The following SMARCAD1 variants were observed in gnomAD, a reference collection of about 807,000 sequenced individuals.
SMARCAD1 encodes SWI/SNF-related matrix-associated actin-dependent regulator of chromatin subfamily A containing DEAD/H box 1.
A neutral mutation model predicts 127.1 loss-of-function variants in SMARCAD1; 25 were observed. That is an observed-to-expected ratio of 0.20 (90% CI 0.14 to 0.27). The LOEUF is 0.27. Among genes scored for constraint, SMARCAD1 ranks in the 10% least tolerant of loss-of-function variants. The pLI is 1.00. For missense variants in SMARCAD1, 807 were observed against 1,206.0 expected, an observed-to-expected ratio of 0.67 and a Z score of 4.90; for synonymous variants, 400 against 396.9, an observed-to-expected ratio of 1.01 and a Z score of -0.09.
chr4:94,214,857 AGGT>A (rs954059921), intron 2 of SMARCAD1, among the ~76,000 whole-genome samples: 7 of 152,038 alleles, frequency 4.6e-5, no homozygotes, highest in African/African-American at 1.7e-4. Context: ...TGCCTTTTCA[AGGT>A]GGTTGTCATA....
chr4:94,213,254 G>T lies in SMARCAD1; in HGVS notation c.190+4670G>T, dbSNP rs1483300982. On this transcript the variant is annotated intron_variant, in intron 2 of 23. Transcript: ENST00000354268. ...CACTATCTGTAATTCACAAATGATTGAATTATCCATTCTTCAGGGGAGGAT... is the reference window on the plus strand; with the variant it reads ...CACTATCTGTAATTCACAAATGATTTAATTATCCATTCTTCAGGGGAGGAT... The T allele has an allele frequency of 3.8e-5, 17 of 445,746 alleles. No individual in the cohort carries two copies. In the East Asian group the frequency reaches 1.2e-3, roughly 32 times the overall value. The allele number at this position is 445,746 out of a possible 1,614,324, so 27.6% of individuals were successfully genotyped here.
intron 6 of SMARCAD1, among the ~76,000 whole-genome samples, chr4:94,248,006 C>T (rs770815363): frequency 1.3e-4 from 20 of 152,224 alleles, no homozygotes; most frequent in Middle Eastern, 3.4e-3. Flanking sequence ...ATCCTCCCTC[C>T]GCCTTCTTGT....
At chr4:94,275,758 G>C (rs1233374585) in intron 14 of SMARCAD1, among the ~76,000 whole-genome samples, 5 of 149,526 alleles carry the variant, frequency 3.3e-5, no homozygotes, top group Admixed American at 3.3e-4. Context: ...CCTCCTCCTG[G>C]GTATGTAGAA....
At chr4:94,287,567 G>A (rs1323010661) in intron 23 of SMARCAD1, among the ~76,000 whole-genome samples, 1 of 152,226 alleles carries the variant, frequency 6.6e-6, no homozygotes, top group African/African-American at 2.4e-5. Flanking sequence ...TTGGCAATTT[G>A]AAATGCAAAT....
At chr4:94,289,152 G>A (rs1201730059) in intron 23 of SMARCAD1, among the ~76,000 whole-genome samples, 4 of 152,020 alleles carry the variant, frequency 2.6e-5, no homozygotes, top group Non-Finnish European at 5.9e-5. Flanking sequence ...TTACATAAAT[G>A]TTTTTTATTT....
Position 94,215,888 on chromosome 4 carries a change from G to T in SMARCAD1, c.190+7304G>T, listed in dbSNP as rs183627302. ...ATTTGGATTTTTTGTGTTTCTTTAT[G>T]CTTTTCTGTTTTTCTAATACATGTC... On this transcript the variant is annotated intron_variant, in intron 2 of 23. Transcript: ENST00000354268. 2.6e-5 allele frequency among the ~76,000 whole-genome samples: 4 copies of T among 151,932 alleles called. No individual in the cohort carries two copies. In the East Asian group the frequency reaches 7.7e-4, roughly 29 times the overall value.
intron 2 of SMARCAD1, 104 bp from the exon 3 acceptor site, chr4:94,226,015 G>T: frequency 2.0e-6 from 2 of 989,766 alleles, no homozygotes; most frequent in Non-Finnish European, 3.0e-6. Context: ...TTTTTAGATT[G>T]GAAACAATGA....
At chr4:94,282,107 T>G (rs1254474115) in intron 21 of SMARCAD1, among the ~76,000 whole-genome samples, 1 of 92,766 alleles carries the variant, frequency 1.1e-5, no homozygotes, top group African/African-American at 4.1e-5. Context: ...TTTGTTTTTT[T>G]TTTTTTTTTT....
intron 2 of SMARCAD1, among the ~76,000 whole-genome samples, chr4:94,210,929 CAAAAAAAAAAAA>C (rs747690168): frequency 5.3e-5 from 3 of 57,048 alleles, no homozygotes; most frequent in African/African-American, 1.7e-4. Context: ...GACTGTATCT[CAAAAAAAAAAAA>C]AAAAAAAAAG....
In SMARCAD1 at chr4:94,280,168, C is replaced by T. The variant is rs149218979; in HGVS notation, c.2419-424C>T. On this transcript the variant is annotated intron_variant, in intron 19 of 23. Transcript: ENST00000354268. ...GCGTGAGCCACTGCACCTGACCAACCCATTTCTTTTTAAATTTTTTTTTAT... is the reference window on the plus strand; with the variant it reads ...GCGTGAGCCACTGCACCTGACCAACTCATTTCTTTTTAAATTTTTTTTTAT... Among the ~76,000 whole-genome samples, 54 of 152,202 alleles carry T rather than the reference C, an allele frequency of 3.5e-4. 2 individuals carry two copies. The East Asian group carries it at 0.01, about 29-fold the overall frequency.
chr4:94,217,845 A>G (rs1473338460), intron 2 of SMARCAD1, among the ~76,000 whole-genome samples: 1 of 152,220 alleles, frequency 6.6e-6, no homozygotes, highest in Non-Finnish European at 1.5e-5. Flanking sequence ...ACAATTTTTA[A>G]TGGAGTAGAA....
intron 15 of SMARCAD1, 79 bp downstream of exon 15, chr4:94,276,553 C>T: frequency 6.6e-7 from 1 of 1,511,964 alleles, no homozygotes; most frequent in Non-Finnish European, 9.0e-7. Flanking sequence ...TATTTATTAG[C>T]AGAATCTGTA....
At chr4:94,265,541 A>G (rs1479074329) in intron 10 of SMARCAD1, among the ~76,000 whole-genome samples, 3 of 151,740 alleles carry the variant, frequency 2.0e-5, no homozygotes, top group African/African-American at 7.3e-5. Context: ...GCCAGTACAT[A>G]TTAAAGTGGT....
At chr4:94,244,446 A>G (rs1051390737) in intron 6 of SMARCAD1, among the ~76,000 whole-genome samples, 1 of 152,228 alleles carries the variant, frequency 6.6e-6, no homozygotes, top group Non-Finnish European at 1.5e-5. Flanking sequence ...CTTGGTTTTG[A>G]TTAAACAAAT....
intron 6 of SMARCAD1, among the ~76,000 whole-genome samples, chr4:94,242,207 G>T (rs1172508123): frequency 2.7e-5 from 4 of 147,036 alleles, no homozygotes; most frequent in Non-Finnish European, 6.0e-5. Context: ...CTGTTTTTTT[G>T]TTTTTTTTTT....
At position 94,252,925 on chromosome 4, in the gene SMARCAD1, AACTT is replaced by A. The variant is rs1335971434; in HGVS notation, c.1204_1207del (p.Thr402Ter). 1 of 1,614,098 alleles carries A rather than the reference AACTT, an allele frequency of 6.2e-7. No homozygotes were observed. Among genetic ancestry groups the A allele is most frequent in the Non-Finnish European group, 8.5e-7 (1 of 1,179,990 alleles). On this transcript the variant is annotated frameshift_variant, in exon 9 of 24. Coordinates refer to ENST00000354268, the MANE Select transcript of SMARCAD1 (RefSeq NM_020159.5). LOFTEE classifies it high-confidence loss of function. ...TTCCTTCAAGATGCTTCAATTGGTG[AACTT>A]ACTTTGATTCCTCAGTGTTCTCAGA...
intron 8 of SMARCAD1, among the ~76,000 whole-genome samples, chr4:94,252,134 G>A (rs1233795489): frequency 1.3e-5 from 2 of 152,232 alleles, no homozygotes; most frequent in East Asian, 3.8e-4. Flanking sequence ...ACAGGCGTGA[G>A]CCACCATGCC....
chr4:94,208,725 GGACTGCCATAA>G, intron 2 of SMARCAD1, 141 bp downstream of exon 2: 1 of 826,354 alleles, frequency 1.2e-6, no homozygotes, highest in East Asian at 2.7e-5. Context: ...TACAGCTTTG[GGACTGCCATAA>G]GCACCATGTA....
At chr4:94,282,747 G>A (rs1409995540) in intron 21 of SMARCAD1, among the ~76,000 whole-genome samples, 1 of 151,214 alleles carries the variant, frequency 6.6e-6, no homozygotes, top group African/African-American at 2.4e-5. Context: ...ATTTGATCAT[G>A]AAGTCCTTGA....
Sources: allele counts gnomAD v4.1 joint callset (sites outside exome capture counted in the v4.1 genomes callset), GRCh38; gene constraint gnomAD v4.1.1; transcripts MANE v1.5; gene names NCBI Gene and HGNC (gene_info 2026-07-23, HGNC 2026-07-21).